Variants in NFATC2 observed in about 807,000 individuals in gnomAD.
The protein encoded by NFATC2 is nuclear factor of activated T cells 2, also known as nuclear factor of activated T-cells, cytoplasmic 2.
Under a neutral mutation model 87.3 loss-of-function variants are expected in NFATC2, and 22 were observed. The observed-to-expected ratio is 0.25, with a 90% CI of 0.18 to 0.36. The LOEUF (loss-of-function observed/expected upper bound fraction) is 0.36. Ranked by LOEUF, NFATC2 falls within the 10% of genes least tolerant of loss-of-function variation. NFATC2 has a pLI of 1.00. For synonymous variants in NFATC2, 565 were observed against 542.2 expected (o/e 1.04, Z -0.58); for missense variants, 1,149 against 1,259.1 (o/e 0.91, Z 1.32).
rs1051498746 is a variant in NFATC2 at position 51,460,506 on chromosome 20, TGCCA to T, written c.1709-5822_1709-5819del. ...GCTGTAGCTTCTGAGAGGCTGTATG[TGCCA>T]GCCATAGACATTGTTGTCTTATATA... On this transcript the variant is annotated intron_variant, in intron 5 of 10. Transcript: ENST00000371564. Among the ~76,000 whole-genome samples the T allele has an allele frequency of 1.3e-3, 202 of 152,148 alleles. 2 individuals carry two copies. The highest frequency in any genetic ancestry group is 4.7e-3 in the African/African-American group (196 of 41,506).
At chr20:51,435,399 G>A in intron 7 of NFATC2, 85 bp from the exon 8 acceptor site, 1 of 1,561,406 alleles carries the variant, frequency 6.4e-7, no homozygotes, top group Non-Finnish European at 8.7e-7. Context: ...GCAGCCCACT[G>A]TCTAATGGGT....
rs183021865 is a variant in NFATC2 at position 51,389,143 on chromosome 20, T to C, written c.*2353A>G. 2 of 152,274 alleles carry C rather than the reference T, an allele frequency of 1.3e-5. No individual in the cohort carries two copies. Among genetic ancestry groups the C allele is most frequent in the Admixed American group, 1.3e-4 (2 of 15,304 alleles). 9.4% of individuals were successfully genotyped at this position (152,274 alleles called of 1,614,324 possible). On this transcript the variant is annotated 3_prime_UTR_variant, in exon 11 of 11. Coordinates refer to ENST00000371564, the MANE Select transcript of NFATC2 (RefSeq NM_012340.5). ...TGTCTTAGAAAAACAGAGGGGTTTATTTGTGTGTGTATTACACACACACAC... is the reference window on the plus strand; with the variant it reads ...TGTCTTAGAAAAACAGAGGGGTTTACTTGTGTGTGTATTACACACACACAC...
At position 51,473,978 on chromosome 20, in the gene NFATC2, A is replaced by G; in HGVS notation, c.1708+2T>C. The G allele has an allele frequency of 6.2e-7, 1 of 1,612,952 alleles. No homozygotes were observed. The highest frequency in any genetic ancestry group is 8.5e-7 in the Non-Finnish European group (1 of 1,179,098). On this transcript the variant is annotated splice_donor_variant, in intron 5 of 10. Coordinates refer to ENST00000371564, the MANE Select transcript of NFATC2 (RefSeq NM_012340.5). LOFTEE classifies it high-confidence loss of function. Reference sequence around the variant, plus strand: ...AAGACCGGGCCCCAGGGCCCAACTTACAGCACTCGATGGGGTTAGATGCAG... The same window carrying G: ...AAGACCGGGCCCCAGGGCCCAACTTGCAGCACTCGATGGGGTTAGATGCAG...
At chr20:51,423,980 G>C (rs151097041) in intron 9 of NFATC2, among the ~76,000 whole-genome samples, 103 of 152,282 alleles carry the variant, frequency 6.8e-4, no homozygotes, top group African/African-American at 2.3e-3. Flanking sequence ...CAGAAATGCA[G>C]AGTCCACATC....
chr20:51,474,931 C>T (rs1344227521), intron 4 of NFATC2, among the ~76,000 whole-genome samples: 2 of 152,026 alleles, frequency 1.3e-5, no homozygotes, highest in East Asian at 3.9e-4. Flanking sequence ...AGTTCTTCCT[C>T]CCGAGGCACA....
intron 3 of NFATC2, among the ~76,000 whole-genome samples, chr20:51,510,113 G>A (rs1365199041): frequency 6.6e-6 from 1 of 152,192 alleles, no homozygotes; most frequent in African/African-American, 2.4e-5. Flanking sequence ...CTCCCTAAAA[G>A]GATGGCGTTC....
rs185675466 is a variant in NFATC2, at chr20:51,474,888, C to T, written c.1535+570G>A. Among the ~76,000 whole-genome samples the T allele has an allele frequency of 2.7e-4, 41 of 152,182 alleles. 1 individual carries two copies. The highest frequency in any genetic ancestry group is 2.7e-3 in the Admixed American group (41 of 15,290). On this transcript the variant is annotated intron_variant, in intron 4 of 10. Coordinates refer to ENST00000371564, the MANE Select transcript of NFATC2 (RefSeq NM_012340.5). ...TTTTTTAAATATAAGTAAATTTAAC[C>T]TGATCCCATGCAACATAACACAAAT... is the stretch of plus-strand genomic sequence containing the variant.
At chr20:51,391,567 A>C in intron 10 of NFATC2, 116 bp from the exon 11 acceptor site, 1 of 1,132,434 alleles carries the variant, frequency 8.8e-7, no homozygotes, top group East Asian at 2.4e-5. Context: ...TTTTGAGACA[A>C]GGTCTTGCTC....
At chr20:51,471,605 C>G (rs1445837610) in intron 5 of NFATC2, among the ~76,000 whole-genome samples, 1 of 152,220 alleles carries the variant, frequency 6.6e-6, no homozygotes, top group Non-Finnish European at 1.5e-5. Flanking sequence ...ACTCTTCATT[C>G]ATTTCCAAAG....
intron 1 of NFATC2, among the ~76,000 whole-genome samples, chr20:51,541,329 T>TGGCTG (rs978345275): frequency 2.4e-4 from 36 of 152,100 alleles, no homozygotes; most frequent in South Asian, 1.2e-3. Context: ...CAACAAGCAT[T>TGGCTG]GGCTGGGCTG....
chr20:51,506,787 C>T (rs1406512533), intron 3 of NFATC2, among the ~76,000 whole-genome samples: 1 of 152,152 alleles, frequency 6.6e-6, no homozygotes, highest in Non-Finnish European at 1.5e-5. Context: ...GTCATGGTCC[C>T]CTCTTGTGGC....
At position 51,562,424 on chromosome 20, in the gene NFATC2, C is replaced by A. The variant is rs2077040801; in HGVS notation, c.70+136G>T. ...CTCCGCGGGCCCCGCTACCTGTGCG[C>A]CGAGGGCGAGCGGGGTCCCCAGGCC... is the stretch of plus-strand genomic sequence containing the variant. On this transcript the variant is annotated intron_variant, in intron 1 of 10. Coordinates refer to the NFATC2 transcript ENST00000414705. This position sits in a 1 kb window ranked among gnomAD's most constrained non-coding sequence, Gnocchi z 5.8. 1.3e-6 allele frequency: 1 copy of A among 764,936 alleles called. No individual in the cohort carries two copies. Among genetic ancestry groups the A allele is most frequent in the Non-Finnish European group, 2.1e-6 (1 of 483,310 alleles). 47.4% of individuals were successfully genotyped at this position (764,936 alleles called of 1,614,324 possible).
At chr20:51,520,528 T>A (rs528467294) in intron 2 of NFATC2, among the ~76,000 whole-genome samples, 1 of 151,278 alleles carries the variant, frequency 6.6e-6, no homozygotes, top group Non-Finnish European at 1.5e-5. Flanking sequence ...AGTGCCTGGC[T>A]GCATTTCATG....
At chr20:51,558,492 G>C (rs1397447569) in intron 1 of NFATC2, among the ~76,000 whole-genome samples, 3 of 151,872 alleles carry the variant, frequency 2.0e-5, no homozygotes, top group Non-Finnish European at 4.4e-5. Flanking sequence ...TTTGGGGGGG[G>C]GCGAGGTAAA....
chr20:51,398,845 T>TTGGCTCTAG (rs1467099918), intron 9 of NFATC2, 115 bp from the exon 10 acceptor site: 1 of 726,812 alleles, frequency 1.4e-6, no homozygotes, highest in Non-Finnish European at 2.4e-6. Context: ...ACTTAACCCT[T>TTGGCTCTAG]TGGCTCTAGT....
intron 3 of NFATC2, among the ~76,000 whole-genome samples, chr20:51,516,123 T>C (rs1349401841): frequency 6.6e-6 from 1 of 151,946 alleles, no homozygotes; most frequent in African/African-American, 2.4e-5. Flanking sequence ...GGCACACTTC[T>C]CTACTTATTT....
intron 10 of NFATC2, among the ~76,000 whole-genome samples, chr20:51,397,693 C>A (rs577308228): frequency 7.2e-5 from 11 of 152,090 alleles, no homozygotes; most frequent in African/African-American, 2.7e-4. Flanking sequence ...ATGTGCTCCT[C>A]CCCCCAGGGC....
intron 1 of NFATC2, among the ~76,000 whole-genome samples, chr20:51,561,431 A>AAAAGAAAGAAAG (rs1184978605): frequency 3.0e-4 from 33 of 110,250 alleles, no homozygotes; most frequent in Middle Eastern, 4.7e-3. Flanking sequence ...AGAGAGAAAG[A>AAAAGAAAGAAAG]AAAGAAAGAA....
intron 6 of NFATC2, among the ~76,000 whole-genome samples, chr20:51,436,127 A>T (rs1983525966): frequency 6.6e-6 from 1 of 152,154 alleles, no homozygotes; most frequent in Non-Finnish European, 1.5e-5. Context: ...GGGACCAGGG[A>T]TCTACCAATT....
Sources: gnomAD v4.1 joint callset for allele counts (sites outside exome capture counted in the v4.1 genomes callset) on GRCh38, gnomAD v4.1.1 for gene constraint, Gnocchi (gnomAD v3.1) non-coding constraint, MANE v1.5 for transcripts, NCBI Gene and HGNC (gene_info 2026-07-23, HGNC 2026-07-21) for gene names.